Variants in E2F2 observed in about 807,000 individuals in gnomAD.
E2F2 encodes the protein E2F transcription factor 2, also known as transcription factor E2F2.
E2F2 carries 22 observed loss-of-function variants against 42.2 expected under a neutral mutation model. The ratio of observed to expected loss-of-function variants is 0.52; its 90% CI spans 0.37 to 0.74. The LOEUF (loss-of-function observed/expected upper bound fraction) is 0.74. Ranked by LOEUF, E2F2 falls within the 30% of genes least tolerant of loss-of-function variation. The probability of loss-of-function intolerance (pLI) is 0.00; values close to 1 mark genes in which losing one functional copy is unlikely to be tolerated. For missense variants in E2F2, 481 were observed against 557.8 expected (o/e 0.86, Z 1.39); for synonymous variants, 248 against 251.6 (o/e 0.99, Z 0.13).
chr1:23,515,417 G>T (rs1642998946), intron 6 of E2F2, among the ~76,000 whole-genome samples: 2 of 152,174 alleles, frequency 1.3e-5, no homozygotes, highest in Non-Finnish European at 2.9e-5. Context: ...TTTGATCTAT[G>T]CCTTGTGGAG....
In E2F2 at chr1:23,507,380, G is replaced by C. The variant is rs886752899; in HGVS notation, c.*2500C>G. ...AAAAATACAAAATTAGCCGGGCGTG[G>C]TGGTGCATGTCTATAGTCCCAGCTA... On this transcript the variant is annotated 3_prime_UTR_variant, in exon 7 of 7. Coordinates refer to ENST00000361729, the MANE Select transcript of E2F2 (RefSeq NM_004091.4). 1 of 152,112 alleles carries C rather than the reference G, an allele frequency of 6.6e-6. No homozygotes were observed. 9.4% of individuals were successfully genotyped at this position (152,112 alleles called of 1,614,324 possible).
At chr1:23,521,615 G>A in intron 3 of E2F2, 1 of 983,730 alleles carries the variant, frequency 1.0e-6, no homozygotes, top group Non-Finnish European at 1.2e-6. Context: ...CACGTTCTCC[G>A]ATTACTTCAG....
At chr1:23,521,562 G>A (rs1277379946) in intron 3 of E2F2, 2 of 985,186 alleles carry the variant, frequency 2.0e-6, no homozygotes, top group African/African-American at 3.5e-5. Flanking sequence ...GTTCCCTTTG[G>A]CCTTTACACC....
chr1:23,525,194 C>A (rs1030770874), intron 1 of E2F2, among the ~76,000 whole-genome samples: 70 of 151,242 alleles, frequency 4.6e-4, no homozygotes, highest in African/African-American at 1.6e-3. Flanking sequence ...GGCCACCCCC[C>A]CCCTCCAGCT....
At chr1:23,511,725 G>C (rs1642912582) in intron 6 of E2F2, among the ~76,000 whole-genome samples, 1 of 152,210 alleles carries the variant, frequency 6.6e-6, no homozygotes, top group African/African-American at 2.4e-5. Context: ...TGTTGAGACT[G>C]GTGGTGCACC....
intron 5 of E2F2, 29 bp downstream of exon 5, chr1:23,518,987 T>C: frequency 6.3e-7 from 1 of 1,596,284 alleles, no homozygotes; most frequent in South Asian, 1.1e-5. Flanking sequence ...GTCTCAACCC[T>C]GCTCTCCACC....
intron 6 of E2F2, among the ~76,000 whole-genome samples, chr1:23,514,017 G>T (rs1216101920): frequency 6.6e-6 from 1 of 151,724 alleles, no homozygotes; most frequent in South Asian, 2.1e-4. Context: ...CTAGCTACTC[G>T]GGAGGCTGAG....
Position 23,530,757 on chromosome 1 carries a change from C to T in E2F2, c.37G>A (p.Gly13Arg), listed in dbSNP as rs75815067. Residue 13 changes from glycine (G) to arginine (R), a missense_variant, in exon 1 of 7, where the codon GGG (glycine) becomes AGG (arginine). Coordinates refer to ENST00000361729, the MANE Select transcript of E2F2 (RefSeq NM_004091.4). The surrounding 1 kb of genome is among the most constrained non-coding windows in gnomAD (Gnocchi z 4.4). ...GCGGGCACCACCTTCGGGGTCTGCCCAGCGGCCGAAGCCAAGGCCCGGGGC... is the reference window on the plus strand; with the variant it reads ...GCGGGCACCACCTTCGGGGTCTGCCTAGCGGCCGAAGCCAAGGCCCGGGGC... ...QGPRALASAAGQTPKVVPAMS... is the reference protein window; with the variant it reads ...QGPRALASAARQTPKVVPAMS... The T allele has an allele frequency of 6.3e-7, 1 of 1,575,668 alleles. No individual in the cohort carries two copies. The highest frequency in any genetic ancestry group is 8.6e-7 in the Non-Finnish European group (1 of 1,159,506).
intron 6 of E2F2, among the ~76,000 whole-genome samples, chr1:23,515,646 A>T (rs774991505): frequency 3.3e-5 from 5 of 151,582 alleles, no homozygotes; most frequent in Non-Finnish European, 5.9e-5. Context: ...TCAGCTTCCC[A>T]GAGTGCTGGG....
chr1:23,527,664 G>A (rs544637633), intron 1 of E2F2, among the ~76,000 whole-genome samples: 1 of 152,350 alleles, frequency 6.6e-6, no homozygotes, highest in African/African-American at 2.4e-5. Flanking sequence ...AGGAGCAAAT[G>A]TAAGGGGTCG....
In E2F2 at chr1:23,522,384, T is replaced by C. The variant is rs139153437; in HGVS notation, c.359-328A>G. On this transcript the variant is annotated intron_variant, in intron 2 of 6. Coordinates refer to ENST00000361729, the MANE Select transcript of E2F2 (RefSeq NM_004091.4). ...CTGTCACTGTTCTAAGTGCTTTCCA[T>C]GTACGAACACATTTAAGCCCTACAA... Among the ~76,000 whole-genome samples the C allele has an allele frequency of 1.3e-4, 20 of 152,334 alleles. No homozygotes were observed. In the East Asian group the frequency reaches 3.1e-3, roughly 24 times the overall value.
At position 23,521,941 on chromosome 1, in the gene E2F2, G is replaced by T; in HGVS notation, c.474C>A (p.Ala158=). ...SEDGVLDLNW[A]AEVLDVQKRR... is the part of the protein sequence containing the mutation. Reference sequence around the variant, plus strand: ...GCTTCTGCACGTCCAGCACCTCAGCGGCCCAGTTCAGGTCCAGGACCCCAT... The same window carrying T: ...GCTTCTGCACGTCCAGCACCTCAGCTGCCCAGTTCAGGTCCAGGACCCCAT... The change falls in exon 3 of 7, where the codon GCC becomes GCA. Residue 158 remains alanine, a synonymous_variant. Coordinates refer to ENST00000361729, the MANE Select transcript of E2F2 (RefSeq NM_004091.4). The T allele has an allele frequency of 6.2e-7, 1 of 1,614,190 alleles. No homozygotes were observed.
chr1:23,512,777 C>T (rs1642935091), intron 6 of E2F2, among the ~76,000 whole-genome samples: 1 of 151,978 alleles, frequency 6.6e-6, no homozygotes, highest in South Asian at 2.1e-4. Context: ...GTCTCTAAAA[C>T]AGCACCAGGC....
intron 1 of E2F2, among the ~76,000 whole-genome samples, chr1:23,525,963 A>G (rs1349745062): frequency 6.6e-6 from 1 of 152,126 alleles, no homozygotes; most frequent in African/African-American, 2.4e-5. Flanking sequence ...CTGGGCTGAC[A>G]GGTGTTGGAG....
At position 23,524,426 on chromosome 1, in the gene E2F2, G is replaced by A. The variant is rs765337368; in HGVS notation, c.315C>T (p.Pro105=). Residue 105 remains proline (P), a synonymous_variant, in exon 2 of 7, where the codon CCC becomes CCT. Transcript: ENST00000361729. ...CATCCACTCTGATGCACTTCCCCTT[G>A]GGGGTTGGGAACTCAGGGACGACGG... ...GRPVVPEFPT[P]KGKCIRVDGL... is the part of the protein sequence containing the mutation. 6.2e-7 allele frequency: 1 copy of A among 1,611,770 alleles called. No individual in the cohort carries two copies. Among genetic ancestry groups the A allele is most frequent in the Non-Finnish European group, 8.5e-7 (1 of 1,178,796 alleles).
chr1:23,530,542 C>T lies in E2F2; in HGVS notation c.252G>A (p.Pro84=), dbSNP rs777714546. The T allele has an allele frequency of 1.1e-5, 17 of 1,609,504 alleles. No individual in the cohort carries two copies. Among genetic ancestry groups the T allele is most frequent in the South Asian group, 4.4e-5 (4 of 90,942 alleles). ...AAGCGGTGGGGGCCCCCAGCATTACCGGCAGCCGGCCTGCCGGCAGGCATC... is the reference window on the plus strand; with the variant it reads ...AAGCGGTGGGGGCCCCCAGCATTACTGGCAGCCGGCCTGCCGGCAGGCATC... ...VVRCLPAGRL[P]AKRKLDLEGI... is the part of the protein sequence containing the mutation. The change falls in exon 1 of 7, where the codon CCG becomes CCA. Residue 84 remains proline (P), a splice_region_variant and synonymous_variant. Coordinates refer to ENST00000361729, the MANE Select transcript of E2F2 (RefSeq NM_004091.4). This position sits in a 1 kb window ranked among gnomAD's most constrained non-coding sequence, Gnocchi z 4.4.
chr1:23,519,184 A>C (rs1570463687), intron 4 of E2F2, 54 bp from the exon 5 acceptor site: 3 of 1,392,804 alleles, frequency 2.2e-6, no homozygotes, highest in Non-Finnish European at 1.0e-6. Flanking sequence ...CAAACCCCAA[A>C]CCTGCCAGGG....
chr1:23,505,835 A>G (rs1344113673), downstream of E2F2, among the ~76,000 whole-genome samples: 2 of 150,502 alleles, frequency 1.3e-5, no homozygotes, highest in African/African-American at 4.9e-5. Flanking sequence ...GAGTCTCACT[A>G]TGTAGCCCAG....
rs1329141001 is a variant in E2F2, at chr1:23,524,088, ACAAC to A, written c.358+291_358+294del. Among the ~76,000 whole-genome samples the A allele has an allele frequency of 6.5e-5, 7 of 108,014 alleles. 1 individual carries two copies. Among genetic ancestry groups the A allele is most frequent in the South Asian group, 6.4e-4 (2 of 3,146 alleles). 70.9% of individuals were successfully genotyped at this position (108,014 alleles called of 152,430 possible). A position where few individuals can be genotyped will look rare whatever the true frequency, so the allele number is the denominator to read the frequency against. ...GACCTGTCTCACAACAACAACAACAACAACAACAACAACAACAAAAAAAAACACA... is the reference window on the plus strand; with the variant it reads ...GACCTGTCTCACAACAACAACAACAAAACAACAACAACAAAAAAAAACACA... On this transcript the variant is annotated intron_variant, in intron 2 of 6. Transcript: ENST00000361729.
Sources: allele counts gnomAD v4.1 joint callset (sites outside exome capture counted in the v4.1 genomes callset), GRCh38; gene constraint gnomAD v4.1.1; non-coding constraint Gnocchi (gnomAD v3.1); transcripts MANE v1.5; gene names NCBI Gene and HGNC (gene_info 2026-07-23, HGNC 2026-07-21).